The following LRRC72 variants were observed in gnomAD, a reference collection of about 807,000 sequenced individuals.
LRRC72 encodes the protein leucine-rich repeat-containing protein 72.
LRRC72 carries 41 observed loss-of-function variants against 35.8 expected under a neutral mutation model. The ratio of observed to expected loss-of-function variants is 1.15; its 90% CI spans 0.89 to 1.49. The LOEUF (loss-of-function observed/expected upper bound fraction) is 1.49. Ranked by LOEUF, LRRC72 falls within the 40% of genes most tolerant of loss-of-function variation. LRRC72 has a pLI of 0.00. For synonymous variants in LRRC72, 118 were observed against 119.2 expected (o/e 0.99, Z 0.07); for missense variants, 389 against 330.7 (o/e 1.18, Z -1.37).
intron 7 of LRRC72, among the ~76,000 whole-genome samples, chr7:16,572,761 C>G (rs1030114984): frequency 2.0e-5 from 3 of 152,066 alleles, no homozygotes; most frequent in Non-Finnish European, 4.4e-5. Flanking sequence ...GATGCCCTCT[C>G]TCACCACTCC....
chr7:16,551,985 C>T (rs1165296894), intron 3 of LRRC72, among the ~76,000 whole-genome samples: 2 of 152,118 alleles, frequency 1.3e-5, no homozygotes, highest in Non-Finnish European at 2.9e-5. Flanking sequence ...GATGCGATTT[C>T]CAGGGAGATG....
intron 7 of LRRC72, among the ~76,000 whole-genome samples, chr7:16,576,682 A>G (rs1783046406): frequency 6.6e-6 from 1 of 152,182 alleles, no homozygotes; most frequent in African/African-American, 2.4e-5. Flanking sequence ...CCAATTACCT[A>G]TATGTAAATG....
chr7:16,537,164 T>C (rs1782271487), intron 2 of LRRC72: 1 of 153,116 alleles, frequency 6.5e-6, no homozygotes, highest in South Asian at 2.1e-4. Flanking sequence ...TGTCTCTTGG[T>C]GTCCTGCAAT....
Position 16,559,895 on chromosome 7 carries a change from A to C in LRRC72, c.427+896A>C, listed in dbSNP as rs967860508. On this transcript the variant is annotated intron_variant, in intron 5 of 8. Coordinates refer to ENST00000401542, the MANE Select transcript of LRRC72 (RefSeq NM_001195280.2). The stretch of plus-strand genomic sequence containing the variant: ...ATAAAGCTGATACCAAAAAAAAAAA[A>C]CTAAAAGACTTTTTAAGCTTTCAAC... 5.3e-5 allele frequency among the ~76,000 whole-genome samples: 8 copies of C among 152,134 alleles called. No homozygotes were observed. The East Asian group carries it at 5.8e-4, about 11-fold the overall frequency.
chr7:16,558,844 GA>G (rs761001244), intron 4 of LRRC72, 44 bp from the exon 5 acceptor site: 19 of 1,220,170 alleles, frequency 1.6e-5, no homozygotes, highest in South Asian at 4.0e-5. Context: ...AAAATAAACT[GA>G]AAAAAATGTT....
intron 3 of LRRC72, among the ~76,000 whole-genome samples, chr7:16,538,938 C>G (rs1009013504): frequency 6.6e-6 from 1 of 152,178 alleles, no homozygotes; most frequent in African/African-American, 2.4e-5. Flanking sequence ...ATAAATTACC[C>G]AGTCTTGGGG....
intron 3 of LRRC72, among the ~76,000 whole-genome samples, chr7:16,554,185 C>T (rs1782608462): frequency 6.6e-6 from 1 of 152,256 alleles, no homozygotes; most frequent in South Asian, 2.1e-4. Context: ...CAAAAAGTAG[C>T]TGGGTGCGGT....
At chr7:16,567,364 A>G in intron 6 of LRRC72, 27 bp from the exon 7 acceptor site, 1 of 1,364,486 alleles carries the variant, frequency 7.3e-7, no homozygotes, top group Non-Finnish European at 9.8e-7. Flanking sequence ...AATGTTATGC[A>G]ATAACATTAC....
In LRRC72 at chr7:16,558,878, GT is replaced by G. The variant is rs771322203; in HGVS notation, c.317-3del. On this transcript the variant is annotated splice_polypyrimidine_tract_variant and intron_variant, in intron 4 of 8. Coordinates refer to ENST00000401542, the MANE Select transcript of LRRC72 (RefSeq NM_001195280.2). ...GTTTAAAATCTTGTAAAAATATTCT[GT>G]TTTTTTTAGGTCTGCATTATTTGCC... 138 of 1,354,448 alleles carry G rather than the reference GT, an allele frequency of 1.0e-4. No homozygotes were observed. Among genetic ancestry groups the G allele is most frequent in the Middle Eastern group, 1.9e-4 (1 of 5,294 alleles). 83.9% of individuals were successfully genotyped at this position (1,354,448 alleles called of 1,614,324 possible). A position where few individuals can be genotyped will look rare whatever the true frequency, so the allele number is the denominator to read the frequency against.
At chr7:16,568,591 TG>T (rs1782890224) in intron 7 of LRRC72, among the ~76,000 whole-genome samples, 1 of 152,198 alleles carries the variant, frequency 6.6e-6, no homozygotes, top group Non-Finnish European at 1.5e-5. Context: ...AAAGTGATAA[TG>T]GCTGGAAATT....
intron 3 of LRRC72, among the ~76,000 whole-genome samples, chr7:16,547,686 A>G (rs1450053663): frequency 6.6e-6 from 1 of 152,218 alleles, no homozygotes; most frequent in Admixed American, 6.5e-5. Flanking sequence ...GGGGGTACAC[A>G]CACTTGAGGC....
chr7:16,527,573 C>T (rs118028441), intron 1 of LRRC72, among the ~76,000 whole-genome samples: 7,791 of 151,690 alleles, frequency 0.051, 274 homozygotes, highest in East Asian at 0.11. Context: ...CAAGCAGAGT[C>T]GAGAGCAGTT....
chr7:16,532,840 C>G, intron 2 of LRRC72: 1 of 475,190 alleles, frequency 2.1e-6, no homozygotes. Context: ...TATAACCTCA[C>G]TATTAGGATT....
At chr7:16,577,026 C>G (rs976198475) in intron 7 of LRRC72, among the ~76,000 whole-genome samples, 1 of 152,202 alleles carries the variant, frequency 6.6e-6, no homozygotes, top group Non-Finnish European at 1.5e-5. Context: ...AGATCAACGG[C>G]TCAGGAAATC....
intron 1 of LRRC72, among the ~76,000 whole-genome samples, chr7:16,531,430 A>G (rs988461925): frequency 1.1e-3 from 175 of 152,306 alleles, no homozygotes; most frequent in African/African-American, 3.9e-3. Context: ...TCACTAGCGT[A>G]CCTATCTTCC....
intron 5 of LRRC72, among the ~76,000 whole-genome samples, chr7:16,560,978 A>G (rs975261352): frequency 6.6e-6 from 1 of 152,160 alleles, no homozygotes; most frequent in Non-Finnish European, 1.5e-5. Context: ...ACTCCCTTTA[A>G]TCATGGAAAT....
chr7:16,574,921 G>C (rs1783011979), intron 7 of LRRC72, among the ~76,000 whole-genome samples: 1 of 152,044 alleles, frequency 6.6e-6, no homozygotes, highest in Admixed American at 6.6e-5. Flanking sequence ...TTTCAGACCA[G>C]CCTGGCCAAT....
intron 3 of LRRC72, among the ~76,000 whole-genome samples, chr7:16,549,307 G>T (rs1431908491): frequency 6.6e-6 from 1 of 152,146 alleles, no homozygotes; most frequent in Non-Finnish European, 1.5e-5. Context: ...GCATGCTTTG[G>T]CCGATTTAAG....
chr7:16,581,479 C>T lies in LRRC72; in HGVS notation c.854C>T (p.Thr285Ile). The T allele has an allele frequency of 1.3e-6, 2 of 1,546,112 alleles. No homozygotes were observed. The highest frequency in any genetic ancestry group is 1.7e-6 in the Non-Finnish European group (2 of 1,145,268). ...GAAACAGCTCAAATGCTCACAGTTACACTGAGATAAGCCCTGGTATTTCTA... is the reference window on the plus strand; with the variant it reads ...GAAACAGCTCAAATGCTCACAGTTATACTGAGATAAGCCCTGGTATTTCTA... Reference protein sequence around the residue: ...GTETAQMLTVTLR With the variant: ...GTETAQMLTVILR Residue 285 changes from threonine to isoleucine, a missense_variant, in exon 9 of 9, where the codon ACA becomes ATA. By Grantham distance (89) the Thr-to-Ile change is moderately conservative. Coordinates refer to ENST00000401542, the MANE Select transcript of LRRC72 (RefSeq NM_001195280.2).
Sources: gnomAD v4.1 joint callset for allele counts (sites outside exome capture counted in the v4.1 genomes callset) on GRCh38, gnomAD v4.1.1 for gene constraint, MANE v1.5 for transcripts, NCBI Gene and HGNC (gene_info 2026-07-23, HGNC 2026-07-21) for gene names.